PRKN: variants seen among roughly 807,000 people sequenced by gnomAD.
PRKN encodes E3 ubiquitin-protein ligase parkin.
A neutral mutation model predicts 59.5 loss-of-function variants in PRKN; 56 were observed. The ratio of observed to expected loss-of-function variants is 0.94; its 90% CI spans 0.76 to 1.18. The LOEUF (loss-of-function observed/expected upper bound fraction) is 1.18. PRKN is among the 50% of genes most tolerant of loss of function. The pLI is 0.00. For synonymous variants in PRKN, 250 were observed against 222.1 expected (o/e 1.13, Z -1.12); for missense variants, 657 against 596.4 (o/e 1.10, Z -1.06).
intron 6 of PRKN, among the ~76,000 whole-genome samples, chr6:161,903,458 G>C (rs538242052): frequency 1.3e-5 from 2 of 152,214 alleles, no homozygotes; most frequent in Non-Finnish European, 2.9e-5. Context: ...GCAAAGAAAA[G>C]AGGGTGGGAC....
At chr6:161,802,668 C>T (rs541156282) in intron 6 of PRKN, among the ~76,000 whole-genome samples, 3 of 152,268 alleles carry the variant, frequency 2.0e-5, no homozygotes, top group Admixed American at 2.0e-4. Flanking sequence ...ACGGTGGTGA[C>T]CCCACCCTAC....
intron 6 of PRKN, among the ~76,000 whole-genome samples, chr6:161,790,806 G>A (rs1790607813): frequency 6.6e-6 from 1 of 152,192 alleles, no homozygotes; most frequent in Non-Finnish European, 1.5e-5. Flanking sequence ...TTTTAAACAT[G>A]GGAAGGGAAT....
intron 5 of PRKN, among the ~76,000 whole-genome samples, chr6:162,022,555 A>T (rs1034090643): frequency 1.3e-5 from 2 of 152,030 alleles, no homozygotes; most frequent in Non-Finnish European, 1.5e-5. Context: ...TAAGTTTCTT[A>T]TAGATTCTAG....
chr6:161,902,447 C>G (rs1334755004), intron 6 of PRKN, among the ~76,000 whole-genome samples: 1 of 152,040 alleles, frequency 6.6e-6, no homozygotes, highest in Non-Finnish European at 1.5e-5. Flanking sequence ...TTTGCTTATT[C>G]ACTCAAAATA....
chr6:161,677,293 T>G (rs1282035183), intron 7 of PRKN, among the ~76,000 whole-genome samples: 1 of 147,734 alleles, frequency 6.8e-6, no homozygotes, highest in Non-Finnish European at 1.5e-5. Context: ...AAGTGTTTGG[T>G]GAGGGGGGTG....
intron 7 of PRKN, among the ~76,000 whole-genome samples, chr6:161,633,069 C>T (rs1229541519): frequency 6.6e-6 from 1 of 152,096 alleles, no homozygotes; most frequent in Non-Finnish European, 1.5e-5. Context: ...ACAAACAATA[C>T]TGTATTCATT....
chr6:161,374,515 T>C (rs1481663824), intron 10 of PRKN, among the ~76,000 whole-genome samples: 5 of 144,572 alleles, frequency 3.5e-5, no homozygotes, highest in African/African-American at 1.3e-4. Flanking sequence ...GTATGTGTGG[T>C]GTGTGTAATG....
At chr6:161,542,257 G>C (rs754462615) in intron 9 of PRKN, among the ~76,000 whole-genome samples, 3 of 152,128 alleles carry the variant, frequency 2.0e-5, no homozygotes, top group Non-Finnish European at 2.9e-5. Context: ...TTATTGACAA[G>C]GCTTCCCGTC....
In PRKN at chr6:161,511,616, A is replaced by C. The variant is rs527978122; in HGVS notation, c.1083+37238T>G. On this transcript the variant is annotated intron_variant, in intron 9 of 11. Transcript: ENST00000366898. ...ACTGGACACGTTAGGAATTATGGTC[A>C]TACTGTCACCATCTATTCAAGAACA... 2.0e-4 allele frequency among the ~76,000 whole-genome samples: 31 copies of C among 152,320 alleles called. 1 individual carries two copies. In the South Asian group the frequency reaches 6.2e-3, roughly 31 times the overall value.
chr6:161,706,549 G>A (rs1406893298), intron 7 of PRKN, among the ~76,000 whole-genome samples: 1 of 152,170 alleles, frequency 6.6e-6, no homozygotes, highest in Non-Finnish European at 1.5e-5. Flanking sequence ...CGAAAGACAA[G>A]GAGAGAAAAG....
At chr6:162,666,286 C>A (rs936359861) in intron 1 of PRKN, among the ~76,000 whole-genome samples, 6 of 151,690 alleles carry the variant, frequency 4.0e-5, no homozygotes, top group Admixed American at 3.9e-4. Flanking sequence ...ATATAAATAA[C>A]AATGAGACTA....
intron 7 of PRKN, among the ~76,000 whole-genome samples, chr6:161,633,306 A>G (rs1783385134): frequency 6.6e-6 from 1 of 152,158 alleles, no homozygotes. Flanking sequence ...AGTTTGTCAT[A>G]CTGTGTTTTT....
intron 1 of PRKN, among the ~76,000 whole-genome samples, chr6:162,519,912 A>C (rs1401045949): frequency 6.6e-6 from 1 of 152,332 alleles, no homozygotes; most frequent in African/African-American, 2.4e-5. Flanking sequence ...CTGTGAATCA[A>C]TAAAATAATT....
intron 7 of PRKN, among the ~76,000 whole-genome samples, chr6:161,656,232 C>T (rs1055832112): frequency 2.0e-5 from 3 of 152,196 alleles, no homozygotes; most frequent in African/African-American, 7.2e-5. Context: ...TGAAAGTCAG[C>T]GCTCGGGCCC....
At chr6:162,320,295 A>T (rs887018709) in intron 2 of PRKN, among the ~76,000 whole-genome samples, 7 of 147,362 alleles carry the variant, frequency 4.8e-5, no homozygotes, top group African/African-American at 9.9e-5. Flanking sequence ...TTCTTGATGT[A>T]ATGATTTTTC....
At chr6:162,359,612 A>C (rs1213234524) in intron 2 of PRKN, among the ~76,000 whole-genome samples, 2 of 152,022 alleles carry the variant, frequency 1.3e-5, no homozygotes, top group East Asian at 3.9e-4. Flanking sequence ...AAACATAAAC[A>C]TGGTTATAAG....
chr6:161,541,251 C>G (rs1419581077), intron 9 of PRKN, among the ~76,000 whole-genome samples: 2 of 152,154 alleles, frequency 1.3e-5, no homozygotes, highest in African/African-American at 4.8e-5. Flanking sequence ...GAGGAACTGA[C>G]TTTTTAATTA....
At chr6:161,854,083 A>G (rs374897642) in intron 6 of PRKN, among the ~76,000 whole-genome samples, 1 of 122,498 alleles carries the variant, frequency 8.2e-6, no homozygotes, top group African/African-American at 3.0e-5. Flanking sequence ...CTGTTTCTAC[A>G]TAAAAAAAAA....
At chr6:162,591,603 A>G (rs1337250300) in intron 1 of PRKN, among the ~76,000 whole-genome samples, 2 of 152,146 alleles carry the variant, frequency 1.3e-5, no homozygotes, top group Non-Finnish European at 2.9e-5. Flanking sequence ...TTAATACCAA[A>G]TATCACCTAA....
Sources: gnomAD v4.1 joint callset for allele counts (sites outside exome capture counted in the v4.1 genomes callset) on GRCh38, gnomAD v4.1.1 for gene constraint, MANE v1.5 for transcripts, NCBI Gene and HGNC (gene_info 2026-07-23, HGNC 2026-07-21) for gene names.